GLCCI1: variants seen among roughly 807,000 people sequenced by gnomAD.
GLCCI1 encodes the protein glucocorticoid-induced transcript 1 protein.
A neutral mutation model predicts 52.2 loss-of-function variants in GLCCI1; 24 were observed. That is an observed-to-expected ratio of 0.46 (90% confidence interval 0.33 to 0.65). The LOEUF is 0.65. Ranked by LOEUF, GLCCI1 falls within the 30% of genes least tolerant of loss-of-function variation. The pLI is 0.02. For synonymous variants in GLCCI1, 310 were observed against 276.5 expected (o/e 1.12, Z -1.20); for missense variants, 704 against 701.5 (o/e 1.00, Z -0.04).
chr7:8,042,903 C>T (rs1782034520), intron 3 of GLCCI1, among the ~76,000 whole-genome samples: 1 of 152,152 alleles, frequency 6.6e-6, no homozygotes, highest in Non-Finnish European at 1.5e-5. Context: ...TGCTATCAAA[C>T]AGCATCACAT....
Position 7,990,574 on chromosome 7 carries a change from G to A in GLCCI1, c.458-13334G>A, listed in dbSNP as rs867523016. 2.6e-5 allele frequency among the ~76,000 whole-genome samples: 4 copies of A among 152,212 alleles called. No individual in the cohort carries two copies. The South Asian group carries it at 8.3e-4, about 32-fold the overall frequency. On this transcript the variant is annotated intron_variant, in intron 1 of 7. Transcript: ENST00000223145. Reference sequence around the variant, plus strand: ...TTTTATGCACAATATTTGTAGAATTGTTGAGGTGAAAGGTGTTCTGTGTAT... The same window carrying A: ...TTTTATGCACAATATTTGTAGAATTATTGAGGTGAAAGGTGTTCTGTGTAT...
At chr7:8,038,547 G>A (rs1367906505) in intron 3 of GLCCI1, among the ~76,000 whole-genome samples, 1 of 152,170 alleles carries the variant, frequency 6.6e-6, no homozygotes, top group African/African-American at 2.4e-5. Flanking sequence ...AAATTGTGTA[G>A]CCATATGTAG....
In GLCCI1 at chr7:8,088,032, T is replaced by G. The variant is rs1783154969; in HGVS notation, c.*1494T>G. ...CTTTCAGTTCAATAAAACCTAGAGT[T>G]GTTTCATCTGCGCCTAAAGTGTATG... On this transcript the variant is annotated 3_prime_UTR_variant, in exon 8 of 8. Transcript: ENST00000223145. 1 of 152,134 alleles carries G rather than the reference T, an allele frequency of 6.6e-6. No homozygotes were observed. The highest frequency in any genetic ancestry group is 2.4e-5 in the African/African-American group (1 of 41,414). The allele number at this position is 152,134 out of a possible 1,614,324, so 9.4% of individuals were successfully genotyped here. A position where few individuals can be genotyped will look rare whatever the true frequency, so the allele number is the denominator to read the frequency against.
chr7:8,032,462 A>C (rs1374023313), intron 3 of GLCCI1, among the ~76,000 whole-genome samples: 2 of 152,066 alleles, frequency 1.3e-5, no homozygotes, highest in Non-Finnish European at 2.9e-5. Context: ...AGTGTAACTA[A>C]AAGTTTGCAG....
chr7:8,051,803 G>A (rs1383686668), intron 3 of GLCCI1, among the ~76,000 whole-genome samples: 1 of 152,084 alleles, frequency 6.6e-6, no homozygotes, highest in Non-Finnish European at 1.5e-5. Flanking sequence ...CAAGTCTTTT[G>A]CCTACTATTA....
chr7:8,024,166 T>C (rs10238003), intron 3 of GLCCI1, among the ~76,000 whole-genome samples: 85,468 of 151,842 alleles, frequency 0.56, 24,141 homozygotes, highest in Middle Eastern at 0.63. Flanking sequence ...TTGTATAATT[T>C]TTATGTACTA....
chr7:8,013,879 A>T (rs183933356), intron 2 of GLCCI1, among the ~76,000 whole-genome samples: 1 of 151,980 alleles, frequency 6.6e-6, no homozygotes, highest in Non-Finnish European at 1.5e-5. Flanking sequence ...CCAAATAGTA[A>T]TTCTACATCC....
At chr7:8,009,760 C>T (rs572225685) in intron 2 of GLCCI1, among the ~76,000 whole-genome samples, 1 of 152,164 alleles carries the variant, frequency 6.6e-6, no homozygotes, top group African/African-American at 2.4e-5. Flanking sequence ...AGTTACTATC[C>T]TATAATCTAG....
At chr7:8,067,212 C>CA (rs1336794484) in intron 5 of GLCCI1, among the ~76,000 whole-genome samples, 1 of 151,826 alleles carries the variant, frequency 6.6e-6, no homozygotes, top group Non-Finnish European at 1.5e-5. Flanking sequence ...TGCTTTTTTT[C>CA]AGTGTTCCAT....
At chr7:7,978,555 A>G (rs900804299) in intron 1 of GLCCI1, among the ~76,000 whole-genome samples, 2 of 152,140 alleles carry the variant, frequency 1.3e-5, no homozygotes, top group Non-Finnish European at 2.9e-5. Context: ...ATTTGTGCTT[A>G]CTATAAGTTC....
intron 3 of GLCCI1, among the ~76,000 whole-genome samples, chr7:8,027,225 C>T (rs538138625): frequency 4.6e-5 from 7 of 152,236 alleles, no homozygotes; most frequent in African/African-American, 1.2e-4. Flanking sequence ...AGGAAACTCA[C>T]GCCTGTAATC....
intron 1 of GLCCI1, among the ~76,000 whole-genome samples, chr7:7,973,441 T>TGTGTGTGTGTGTG (rs1554257312): frequency 1.3e-5 from 2 of 151,162 alleles, no homozygotes. Context: ...TGTGTGTGTG[T>TGTGTGTGTGTGTG]TTTGTAAAGA....
chr7:8,074,194 G>C (rs554507170), intron 6 of GLCCI1, among the ~76,000 whole-genome samples: 1 of 152,276 alleles, frequency 6.6e-6, no homozygotes, highest in East Asian at 1.9e-4. Flanking sequence ...GGAATTTATA[G>C]TGTAGTAGGG....
chr7:8,081,394 G>C (rs1247306826), intron 6 of GLCCI1, among the ~76,000 whole-genome samples: 1 of 152,182 alleles, frequency 6.6e-6, no homozygotes, highest in Non-Finnish European at 1.5e-5. Context: ...ATGTGATAGA[G>C]ATAAAACCCA....
chr7:7,970,812 G>C (rs34955320), intron 1 of GLCCI1, among the ~76,000 whole-genome samples: 3 of 152,162 alleles, frequency 2.0e-5, no homozygotes, highest in Admixed American at 2.0e-4. Flanking sequence ...GTTAGATACC[G>C]AACTAGAGCT....
intron 5 of GLCCI1, among the ~76,000 whole-genome samples, chr7:8,065,089 T>G (rs1420899578): frequency 6.6e-6 from 1 of 152,188 alleles, no homozygotes; most frequent in Non-Finnish European, 1.5e-5. Context: ...GATACTGTCA[T>G]TTCTAATTTC....
chr7:8,071,437 G>T (rs1782759904), intron 6 of GLCCI1, among the ~76,000 whole-genome samples: 1 of 152,126 alleles, frequency 6.6e-6, no homozygotes, highest in Non-Finnish European at 1.5e-5. Context: ...CAGAGCGGAT[G>T]ATGGTTATGG....
intron 5 of GLCCI1, chr7:8,070,537 T>A (rs944163637): frequency 6.3e-6 from 1 of 159,238 alleles, no homozygotes; most frequent in Non-Finnish European, 1.4e-5. Flanking sequence ...CACTTTTTCT[T>A]ACAAGCAAGT....
intron 1 of GLCCI1, among the ~76,000 whole-genome samples, chr7:7,993,143 G>T (rs1274431599): frequency 6.6e-6 from 1 of 151,912 alleles, no homozygotes; most frequent in African/African-American, 2.4e-5. Context: ...AATAACTTTA[G>T]GAAGAATCTG....
Sources: allele counts gnomAD v4.1 joint callset (sites outside exome capture counted in the v4.1 genomes callset), GRCh38; gene constraint gnomAD v4.1.1; transcripts MANE v1.5; gene names NCBI Gene and HGNC (gene_info 2026-07-23, HGNC 2026-07-21).